Variants in TACC2 observed in about 807,000 individuals in gnomAD.
TACC2 encodes the protein transforming acidic coiled-coil containing protein 2.
In TACC2, 137 loss-of-function variants were observed where a neutral mutation model predicts 227.3. The ratio of observed to expected loss-of-function variants is 0.60; its 90% CI spans 0.52 to 0.69. The LOEUF (loss-of-function observed/expected upper bound fraction) is 0.69. Among genes scored for constraint, TACC2 ranks in the 30% least tolerant of loss-of-function variants. The pLI, the probability that TACC2 is intolerant of heterozygous loss-of-function variation, is 0.00. For synonymous variants in TACC2, 1,523 were observed against 1,487.5 expected (o/e 1.02, Z -0.55); for missense variants, 3,470 against 3,694.4 (o/e 0.94, Z 1.57).
intron 5 of TACC2, among the ~76,000 whole-genome samples, chr10:122,095,796 A>G (rs1266196780): frequency 6.6e-6 from 1 of 152,204 alleles, no homozygotes; most frequent in African/African-American, 2.4e-5. Flanking sequence ...CCACTCTCCA[A>G]TACAGTCGCT....
intron 7 of TACC2, among the ~76,000 whole-genome samples, chr10:122,179,457 T>G (rs938198491): frequency 7.9e-5 from 12 of 152,240 alleles, no homozygotes; most frequent in Non-Finnish European, 1.5e-4. Context: ...GCAATGCCTT[T>G]TTTAGCCAAA....
chr10:122,211,068 C>T lies in TACC2; in HGVS notation c.6643C>T (p.Pro2215Ser), dbSNP rs1298586776. ...LDSESAEGVVPPASGGGRVQN... is the reference protein window; with the variant it reads ...LDSESAEGVVSPASGGGRVQN... ...CTCAGAGAGTGCAGAAGGGGTTGTC[C>T]CCCCGGCTTCTGGAGGTGGCAGAGT... The change falls in exon 9 of 23, where the codon CCC becomes TCC. Residue 2215 changes from proline (P) to serine (S), a missense_variant. By Grantham distance (74) the Pro-to-Ser change is moderately conservative. Around this residue, in one of 10 missense-constraint regions of TACC2, gnomAD observed 593 missense variants for 636.6 expected, o/e 0.93. Transcript: ENST00000369005. 1.9e-6 allele frequency: 3 copies of T among 1,612,550 alleles called. No homozygotes were observed. Among genetic ancestry groups the T allele is most frequent in the Non-Finnish European group, 2.5e-6 (3 of 1,179,424 alleles).
chr10:122,248,985 T>C, intron 20 of TACC2, 65 bp from the exon 21 acceptor site: 1 of 1,527,290 alleles, frequency 6.5e-7, no homozygotes, highest in Admixed American at 1.8e-5. Flanking sequence ...GTTCCTGGGG[T>C]TCCCACCAGT....
chr10:122,008,264 A>ATTATTATTATTATTATTTTTT, intron 1 of TACC2, among the ~76,000 whole-genome samples: 10 of 134,664 alleles, frequency 7.4e-5, no homozygotes, highest in African/African-American at 2.8e-4. Context: ...TATTATTATT[A>ATTATTATTATTATTATTTTTT]TTTTTTTTTT....
intron 3 of TACC2, among the ~76,000 whole-genome samples, chr10:122,058,575 A>C (rs151278325): frequency 6.6e-6 from 1 of 152,054 alleles, no homozygotes; most frequent in Non-Finnish European, 1.5e-5. Flanking sequence ...TGCCCAACTA[A>C]TTTTTGTATT....
chr10:122,059,060 T>TTTGTTGTTG (rs66524910), intron 3 of TACC2, among the ~76,000 whole-genome samples: 1 of 70,098 alleles, frequency 1.4e-5, no homozygotes, highest in Non-Finnish European at 3.7e-5. Flanking sequence ...GCCTGGCTAA[T>TTTGTTGTTG]TTGTTGTTGT....
At chr10:122,098,303 GGAGAATGTTA>G (rs1359101915) in intron 5 of TACC2, among the ~76,000 whole-genome samples, 1 of 152,164 alleles carries the variant, frequency 6.6e-6, no homozygotes, top group Non-Finnish European at 1.5e-5. Flanking sequence ...CTTGTTTCTT[GGAGAATGTTA>G]GATTTGCAGG....
chr10:122,103,038 G>C (rs186510873), intron 5 of TACC2, among the ~76,000 whole-genome samples: 1 of 152,200 alleles, frequency 6.6e-6, no homozygotes, highest in Admixed American at 6.5e-5. Context: ...GCCCATCATG[G>C]AATGTGAGGA....
intron 8 of TACC2, among the ~76,000 whole-genome samples, chr10:122,204,182 AGAGGGG>A (rs200562819): frequency 6.3e-4 from 24 of 38,254 alleles, no homozygotes; most frequent in African/African-American, 1.0e-3. Flanking sequence ...GGGGAGAGGG[AGAGGGG>A]GAGGGGGAGG....
chr10:122,061,285 CAAAAAAAAA>C (rs58324245), intron 3 of TACC2, among the ~76,000 whole-genome samples: 3 of 87,106 alleles, frequency 3.4e-5, no homozygotes, highest in Non-Finnish European at 6.2e-5. Flanking sequence ...CACTCCGTCT[CAAAAAAAAA>C]AAAAAAAAAA....
chr10:122,190,558 A>G (rs935870292), intron 7 of TACC2, among the ~76,000 whole-genome samples: 3 of 152,122 alleles, frequency 2.0e-5, no homozygotes, highest in Non-Finnish European at 4.4e-5. Context: ...TACACACCGC[A>G]CTGTGTGCTA....
At chr10:122,223,482 G>T (rs2095562703) in intron 11 of TACC2, among the ~76,000 whole-genome samples, 1 of 152,144 alleles carries the variant, frequency 6.6e-6, no homozygotes, top group Non-Finnish European at 1.5e-5. Context: ...GATGCAACAG[G>T]GCTTTCTGGC....
intron 5 of TACC2, among the ~76,000 whole-genome samples, chr10:122,103,578 A>G (rs2082408348): frequency 6.6e-6 from 1 of 152,218 alleles, no homozygotes; most frequent in African/African-American, 2.4e-5. Flanking sequence ...GGCACACTGC[A>G]AGTTGGCATG....
intron 7 of TACC2, among the ~76,000 whole-genome samples, chr10:122,187,297 C>T (rs920765441): frequency 3.3e-5 from 5 of 152,258 alleles, no homozygotes; most frequent in South Asian, 2.1e-4. Flanking sequence ...ATGAAGTTGA[C>T]CTCAGCACTA....
chr10:122,148,362 C>T (rs1214239301), intron 7 of TACC2, among the ~76,000 whole-genome samples: 3 of 152,232 alleles, frequency 2.0e-5, no homozygotes, highest in Non-Finnish European at 4.4e-5. Context: ...CCTCAGCCTC[C>T]CAAAGTGCTG....
In TACC2 at chr10:122,226,247, A is replaced by G. The variant is rs1040580535; in HGVS notation, c.7609-119A>G. ...CCTCTCTTCCTGGTGGCTCCAGAAC[A>G]ATGAAGGCTTTTCCCTGATGGGTTA... is the stretch of plus-strand genomic sequence containing the variant. On this transcript the variant is annotated intron_variant, in intron 12 of 22. Transcript: ENST00000369005. The G allele has an allele frequency of 2.3e-5, 16 of 703,236 alleles. No individual in the cohort carries two copies. The Middle Eastern group carries it at 9.1e-4, about 40-fold the overall frequency. 43.6% of individuals were successfully genotyped at this position (703,236 alleles called of 1,614,324 possible). A position where few individuals can be genotyped will look rare whatever the true frequency, so the allele number is the denominator to read the frequency against.
intron 1 of TACC2, among the ~76,000 whole-genome samples, chr10:122,008,868 C>T (rs888175280): frequency 5.3e-5 from 8 of 152,220 alleles, no homozygotes; most frequent in South Asian, 2.1e-4. Context: ...CCACCATGCC[C>T]AGCCGTACAT....
intron 5 of TACC2, among the ~76,000 whole-genome samples, chr10:122,114,205 A>G (rs1374649767): frequency 6.6e-6 from 1 of 152,172 alleles, no homozygotes; most frequent in East Asian, 1.9e-4. Context: ...TTCCTGTGCT[A>G]TGCCAGAGGA....
At chr10:122,029,918 G>T (rs1176134601) in intron 2 of TACC2, among the ~76,000 whole-genome samples, 1 of 150,216 alleles carries the variant, frequency 6.7e-6, no homozygotes. Flanking sequence ...TGGGCAGGGG[G>T]TGGGGAGGGT....
Sources: gnomAD v4.1 joint callset for allele counts (sites outside exome capture counted in the v4.1 genomes callset) on GRCh38, gnomAD v4.1.1 for gene constraint, gnomAD v4.1.1 regional missense constraint, MANE v1.5 for transcripts, NCBI Gene and HGNC (gene_info 2026-07-23, HGNC 2026-07-21) for gene names.